Variants in MACROD2 observed in about 807,000 individuals in gnomAD.
MACROD2 encodes mono-ADP ribosylhydrolase 2, also known as ADP-ribose glycohydrolase MACROD2.
A neutral mutation model predicts 70.4 loss-of-function variants in MACROD2; 36 were observed. The observed-to-expected ratio is 0.51, with a 90% CI of 0.39 to 0.68. MACROD2 has a LOEUF of 0.68. MACROD2 is among the 30% of genes least tolerant of loss of function. The pLI, the probability that MACROD2 is intolerant of heterozygous loss-of-function variation, is 0.00. For synonymous variants in MACROD2, 172 were observed against 178.8 expected (o/e 0.96, Z 0.30); for missense variants, 496 against 538.4 (o/e 0.92, Z 0.78).
At chr20:14,808,562 A>T (rs1166290377) in intron 5 of MACROD2, among the ~76,000 whole-genome samples, 1 of 152,144 alleles carries the variant, frequency 6.6e-6, no homozygotes, top group Non-Finnish European at 1.5e-5. Flanking sequence ...TGATAATGAC[A>T]GGATCAAATT....
chr20:15,869,614 A>C (rs1274821714), intron 9 of MACROD2, among the ~76,000 whole-genome samples: 4 of 152,062 alleles, frequency 2.6e-5, no homozygotes, highest in African/African-American at 9.7e-5. Flanking sequence ...ATGTATAACA[A>C]GTGTTTTGTA....
At chr20:14,159,762 T>A (rs2055156763) in intron 3 of MACROD2, among the ~76,000 whole-genome samples, 1 of 152,192 alleles carries the variant, frequency 6.6e-6, no homozygotes, top group Admixed American at 6.5e-5. Flanking sequence ...AGTATTGTGT[T>A]AAATGGGAGT....
intron 6 of MACROD2, among the ~76,000 whole-genome samples, chr20:15,266,557 C>T (rs1197134096): frequency 6.6e-6 from 1 of 152,222 alleles, no homozygotes; most frequent in Non-Finnish European, 1.5e-5. Flanking sequence ...CTTACCTGGT[C>T]AGCTGCAGTT....
intron 3 of MACROD2, among the ~76,000 whole-genome samples, chr20:14,335,252 G>C (rs1419158276): frequency 6.6e-6 from 1 of 152,152 alleles, no homozygotes; most frequent in Non-Finnish European, 1.5e-5. Flanking sequence ...TTAGGGTCTT[G>C]TGTCCCTAGG....
In MACROD2 at chr20:15,511,781, G is replaced by C. The variant is rs959184023; in HGVS notation, c.645+11934G>C. 7.2e-5 allele frequency among the ~76,000 whole-genome samples: 11 copies of C among 152,170 alleles called. No homozygotes were observed. In the East Asian group the frequency reaches 1.5e-3, roughly 21 times the overall value. On this transcript the variant is annotated intron_variant, in intron 8 of 17. Coordinates refer to ENST00000684519, the MANE Select transcript of MACROD2 (RefSeq NM_001351661.2). The stretch of plus-strand genomic sequence containing the variant: ...GTTGCTCAGCTTGTCAGTGAGACAA[G>C]AAAATTCTTGGAGATGTGACAATCA...
chr20:14,272,964 C>T (rs1003807465), intron 3 of MACROD2, among the ~76,000 whole-genome samples: 1 of 151,554 alleles, frequency 6.6e-6, no homozygotes, highest in African/African-American at 2.4e-5. Flanking sequence ...TATATATGCA[C>T]CCAATACAGG....
chr20:15,634,501 G>A (rs188976884), intron 8 of MACROD2, among the ~76,000 whole-genome samples: 20 of 152,312 alleles, frequency 1.3e-4, no homozygotes, highest in South Asian at 2.1e-4. Context: ...AAAAGGTCAC[G>A]CATCTGATCC....
chr20:15,808,948 T>C (rs1214664502), intron 8 of MACROD2, among the ~76,000 whole-genome samples: 1 of 152,074 alleles, frequency 6.6e-6, no homozygotes, highest in Non-Finnish European at 1.5e-5. Flanking sequence ...ACTATGGAAA[T>C]ATAAGGACAT....
intron 3 of MACROD2, among the ~76,000 whole-genome samples, chr20:14,135,945 C>T (rs1255762841): frequency 1.3e-5 from 2 of 152,104 alleles, no homozygotes; most frequent in Non-Finnish European, 2.9e-5. Flanking sequence ...TAAGAATGTC[C>T]ATGCTCACCA....
At chr20:15,963,738 C>A (rs1185320277) in intron 12 of MACROD2, among the ~76,000 whole-genome samples, 3 of 152,072 alleles carry the variant, frequency 2.0e-5, no homozygotes, top group African/African-American at 4.8e-5. Flanking sequence ...TAAAAGTGAC[C>A]TACTTTTTGG....
At chr20:15,121,012 C>G (rs1343529805) in intron 5 of MACROD2, among the ~76,000 whole-genome samples, 1 of 152,112 alleles carries the variant, frequency 6.6e-6, no homozygotes, top group East Asian at 1.9e-4. Flanking sequence ...TTTCTGTCTC[C>G]ACTTTGGCCT....
intron 3 of MACROD2, among the ~76,000 whole-genome samples, chr20:14,398,336 T>C (rs2122827088): frequency 6.6e-6 from 1 of 152,202 alleles, no homozygotes. Context: ...CTGTTTTCTA[T>C]AATGGCCATA....
intron 5 of MACROD2, among the ~76,000 whole-genome samples, chr20:14,744,742 T>A (rs1409961498): frequency 6.6e-6 from 1 of 152,166 alleles, no homozygotes; most frequent in African/African-American, 2.4e-5. Flanking sequence ...ATACCCTTTT[T>A]CACTGTCTGA....
chr20:15,598,109 G>T (rs1260291053), intron 8 of MACROD2, among the ~76,000 whole-genome samples: 3 of 152,096 alleles, frequency 2.0e-5, no homozygotes, highest in Non-Finnish European at 4.4e-5. Flanking sequence ...GGTAAAGGAG[G>T]AAGGATGACC....
chr20:15,050,533 C>CTTT (rs386393390), intron 5 of MACROD2, among the ~76,000 whole-genome samples: 1,760 of 77,878 alleles, frequency 0.023, 386 homozygotes, highest in African/African-American at 0.028. Context: ...CTATTTAGGT[C>CTTT]TTTTTTTTTT....
At chr20:14,757,017 G>T (rs116076157) in intron 5 of MACROD2, among the ~76,000 whole-genome samples, 1,977 of 152,180 alleles carry the variant, frequency 0.013, 47 homozygotes, top group African/African-American at 0.045. Flanking sequence ...CAGCCATGCA[G>T]AAGTCAATTA....
chr20:14,257,442 T>C (rs992636860), intron 3 of MACROD2, among the ~76,000 whole-genome samples: 4 of 152,190 alleles, frequency 2.6e-5, no homozygotes, highest in Admixed American at 6.5e-5. Flanking sequence ...GGTTTATATA[T>C]AGTTACCAGG....
At chr20:15,156,411 C>T (rs1203129688) in intron 5 of MACROD2, among the ~76,000 whole-genome samples, 1 of 152,138 alleles carries the variant, frequency 6.6e-6, no homozygotes, top group Non-Finnish European at 1.5e-5. Context: ...TAATGGTAAT[C>T]CACTTTTTTT....
At chr20:14,486,275 A>G (rs1600292114) in intron 3 of MACROD2, among the ~76,000 whole-genome samples, 1 of 152,284 alleles carries the variant, frequency 6.6e-6, no homozygotes, top group East Asian at 1.9e-4. Context: ...CAAGGGACAT[A>G]GTCCATTCAC....
Sources: allele counts gnomAD v4.1 joint callset (sites outside exome capture counted in the v4.1 genomes callset), GRCh38; gene constraint gnomAD v4.1.1; transcripts MANE v1.5; gene names NCBI Gene and HGNC (gene_info 2026-07-23, HGNC 2026-07-21).